Variants in RIMS1 observed in about 807,000 individuals in gnomAD.
The protein encoded by RIMS1 is regulating synaptic membrane exocytosis protein 1.
Under a neutral mutation model 214.1 loss-of-function variants are expected in RIMS1, and 83 were observed. The ratio of observed to expected loss-of-function variants is 0.39; its 90% CI spans 0.32 to 0.47. The LOEUF (loss-of-function observed/expected upper bound fraction) is 0.47. RIMS1 is among the 20% of genes least tolerant of loss of function. The pLI, the probability that RIMS1 is intolerant of heterozygous loss-of-function variation, is 0.99. For synonymous variants in RIMS1, 793 were observed against 786.8 expected (o/e 1.01, Z -0.13); for missense variants, 2,050 against 2,161.8 (o/e 0.95, Z 1.03).
At position 72,258,125 on chromosome 6, in the gene RIMS1, T is replaced by C; in HGVS notation, c.2771T>C (p.Val924Ala). The C allele has an allele frequency of 1.2e-6, 2 of 1,611,758 alleles. No individual in the cohort carries two copies. The highest frequency in any genetic ancestry group is 1.7e-6 in the Non-Finnish European group (2 of 1,178,698). ...VDDGIGVVPP[V>A]GYRSSARESK... ...TTTTTTCTGTGTGTACTTTTGCCAG[T>C]AGGCTATAGGTCTAGTGCTAGAGAA... Residue 924 changes from valine to alanine, a missense_variant and splice_region_variant, in exon 17 of 34, where the codon GTA becomes GCA. Physicochemically the swap from Val to Ala is moderately conservative, Grantham distance 64 (BLOSUM62 0). This residue lies in a region of RIMS1 where 889 missense variants were observed against 885.5 expected (regional missense o/e 1.00). Transcript: ENST00000521978.
At chr6:72,265,936 C>T (rs1418434196) in intron 21 of RIMS1, 24 bp from the exon 22 acceptor site, 3 of 1,505,028 alleles carry the variant, frequency 2.0e-6, no homozygotes, top group Non-Finnish European at 2.7e-6. Flanking sequence ...TCTTCTACCA[C>T]TGGATGCAAT....
At chr6:72,219,474 A>G (rs2057600659) in intron 6 of RIMS1, among the ~76,000 whole-genome samples, 1 of 152,160 alleles carries the variant, frequency 6.6e-6, no homozygotes, top group Non-Finnish European at 1.5e-5. Context: ...TAAGTTTTAG[A>G]GAAGGTTTTA....
intron 6 of RIMS1, among the ~76,000 whole-genome samples, chr6:72,210,285 CA>C (rs2053598416): frequency 6.6e-6 from 1 of 152,078 alleles, no homozygotes; most frequent in African/African-American, 2.4e-5. Flanking sequence ...TAAATATTTC[CA>C]AAAATATTGT....
intron 6 of RIMS1, among the ~76,000 whole-genome samples, chr6:72,219,133 A>G (rs2057451221): frequency 6.6e-6 from 1 of 152,192 alleles, no homozygotes; most frequent in Admixed American, 6.5e-5. Flanking sequence ...GTCATCTGTA[A>G]ACACTTTTAA....
chr6:71,901,577 T>A (rs1325319778), intron 1 of RIMS1, among the ~76,000 whole-genome samples: 1 of 152,052 alleles, frequency 6.6e-6, no homozygotes, highest in African/African-American at 2.4e-5. Flanking sequence ...AGCTAATCTA[T>A]GGTGGTGGAT....
intron 26 of RIMS1, chr6:72,295,883 T>C: frequency 3.6e-6 from 1 of 279,120 alleles, no homozygotes; most frequent in Non-Finnish European, 5.5e-6. Flanking sequence ...TAACTATAAA[T>C]TTGCTGATTT....
intron 4 of RIMS1, among the ~76,000 whole-genome samples, chr6:72,165,458 A>G (rs1168426991): frequency 6.6e-6 from 1 of 151,492 alleles, no homozygotes; most frequent in Non-Finnish European, 1.5e-5. Context: ...CGGTTGGTCT[A>G]TTTTCATTAT....
At chr6:72,126,230 T>G (rs943767289) in intron 4 of RIMS1, among the ~76,000 whole-genome samples, 2 of 152,164 alleles carry the variant, frequency 1.3e-5, no homozygotes, top group Admixed American at 1.3e-4. Flanking sequence ...TGTAGAAGAA[T>G]GAAACTTGAT....
In RIMS1 at chr6:72,264,979, C is replaced by A; in HGVS notation, c.3121C>A (p.Leu1041Ile). The change falls in exon 20 of 34, where the codon CTT (leucine) becomes ATT (isoleucine). Residue 1041 changes from leucine (L) to isoleucine (I), a missense_variant. By Grantham distance (5) the Leu-to-Ile change is conservative. Transcript: ENST00000521978. ...GTTTGTGTTGCTACGTTCCAGACAT[C>A]TTGTTAGGCACTATAAAACATTACC... ...SAECLHTTRH[L>I]VRHYKTLPPK... The A allele has an allele frequency of 6.3e-7, 1 of 1,584,664 alleles. No homozygotes were observed.
At chr6:72,238,627 T>C (rs1343494874) in intron 9 of RIMS1, among the ~76,000 whole-genome samples, 1 of 152,136 alleles carries the variant, frequency 6.6e-6, no homozygotes, top group Non-Finnish European at 1.5e-5. Flanking sequence ...AAAATCACAT[T>C]AAAATATTTC....
chr6:72,151,032 A>G (rs552876674), intron 4 of RIMS1, among the ~76,000 whole-genome samples: 5 of 152,260 alleles, frequency 3.3e-5, no homozygotes, highest in Admixed American at 3.3e-4. Flanking sequence ...TTGGAAAGAC[A>G]TATATTCTAT....
chr6:72,020,547 C>A (rs1331276845), intron 2 of RIMS1, among the ~76,000 whole-genome samples: 1 of 152,184 alleles, frequency 6.6e-6, no homozygotes. Flanking sequence ...TTCTCACTCT[C>A]CTTCCTTCAC....
intron 29 of RIMS1, among the ~76,000 whole-genome samples, chr6:72,343,073 G>A (rs1263548613): frequency 6.6e-6 from 1 of 151,792 alleles, no homozygotes; most frequent in East Asian, 1.9e-4. Flanking sequence ...GATAATGCAA[G>A]TCATGTGGAA....
chr6:72,095,345 C>T (rs2031199785), intron 2 of RIMS1, among the ~76,000 whole-genome samples: 1 of 151,978 alleles, frequency 6.6e-6, no homozygotes, highest in African/African-American at 2.4e-5. Context: ...TAACAAGTGC[C>T]CACAGTTGTT....
At chr6:72,093,660 GA>G (rs1402415893) in intron 2 of RIMS1, among the ~76,000 whole-genome samples, 2 of 151,868 alleles carry the variant, frequency 1.3e-5, no homozygotes, top group East Asian at 1.9e-4. Context: ...TCATGTGTTA[GA>G]TTTTTTTTTA....
At chr6:72,126,087 C>T (rs1371518257) in intron 4 of RIMS1, among the ~76,000 whole-genome samples, 3 of 151,780 alleles carry the variant, frequency 2.0e-5, no homozygotes, top group Admixed American at 1.3e-4. Flanking sequence ...CTGGGAGCTG[C>T]AGACCAGAGT....
At chr6:72,328,133 G>T (rs1366020300) in intron 28 of RIMS1, among the ~76,000 whole-genome samples, 1 of 151,820 alleles carries the variant, frequency 6.6e-6, no homozygotes. Flanking sequence ...GCCATAAAAG[G>T]GTGAATTCAT....
At chr6:71,898,777 C>T (rs1285812955) in intron 1 of RIMS1, among the ~76,000 whole-genome samples, 1 of 152,096 alleles carries the variant, frequency 6.6e-6, no homozygotes, top group Non-Finnish European at 1.5e-5. Context: ...AAACTGAGGC[C>T]AGAGACTCAG....
At chr6:72,045,587 T>C (rs1229462466) in intron 2 of RIMS1, among the ~76,000 whole-genome samples, 2 of 152,042 alleles carry the variant, frequency 1.3e-5, no homozygotes, top group African/African-American at 4.8e-5. Context: ...TTTAATGCTT[T>C]TGTTATATTG....
Sources: allele counts gnomAD v4.1 joint callset (sites outside exome capture counted in the v4.1 genomes callset), GRCh38; gene constraint gnomAD v4.1.1; regional missense constraint gnomAD v4.1.1; transcripts MANE v1.5; gene names NCBI Gene and HGNC (gene_info 2026-07-23, HGNC 2026-07-21).